The following AR variants were observed in gnomAD, a reference collection of about 807,000 sequenced individuals.
AR encodes the protein dihydrotestosterone receptor.
AR carries 8 observed loss-of-function variants against 53.9 expected under a neutral mutation model. The observed-to-expected ratio is 0.15, with a 90% confidence interval of 0.09 to 0.27. The LOEUF (loss-of-function observed/expected upper bound fraction) is 0.27. AR is among the 10% of genes least tolerant of loss of function. The pLI is 1.00. For synonymous variants in AR, 359 were observed against 316.4 expected, an observed-to-expected ratio of 1.13 and a Z score of -1.43; for missense variants, 639 against 742.5, an observed-to-expected ratio of 0.86 and a Z score of 1.62.
rs187632813 is a variant in AR, at chrX:67,550,461, G to A, written c.1616+3699G>A. 2.4e-4 allele frequency among the ~76,000 whole-genome samples: 26 copies of A among 110,269 alleles called. 1 individual carries two copies. In the East Asian group the frequency reaches 3.7e-3, roughly 16 times the overall value. On this transcript the variant is annotated intron_variant, in intron 1 of 7. Coordinates refer to ENST00000374690, the MANE Select transcript of AR (RefSeq NM_000044.6). The stretch of plus-strand genomic sequence containing the variant: ...CGTATATGCACTGCGGCTTGTACAC[G>A]TACAAGCTACTTGGTGGGATTATGT...
At chrX:67,625,059 A>G (rs1157621688) in intron 1 of AR, among the ~76,000 whole-genome samples, 1 of 110,535 alleles carries the variant, frequency 9.0e-6, no homozygotes, top group Non-Finnish European at 1.9e-5. Flanking sequence ...CGAGTAAACG[A>G]GTTCAGCAAG....
chrX:67,580,711 CT>C (rs1219294831), intron 1 of AR, among the ~76,000 whole-genome samples: 3 of 111,383 alleles, frequency 2.7e-5, no homozygotes, highest in Non-Finnish European at 5.7e-5. Flanking sequence ...TTTCCCATTA[CT>C]TGCTGTCATA....
At chrX:67,721,745 T>A (rs752148000) in intron 5 of AR, 88 bp from the exon 6 acceptor site, 2 of 1,146,290 alleles carry the variant, frequency 1.7e-6, no homozygotes, top group South Asian at 1.8e-5. Flanking sequence ...TTGGAAAACC[T>A]GGCGAGGGAT....
intron 1 of AR, among the ~76,000 whole-genome samples, chrX:67,566,134 AT>A (rs1304113412): frequency 8.9e-6 from 1 of 111,910 alleles, no homozygotes; most frequent in African/African-American, 3.3e-5. Flanking sequence ...ACTTGTGAAA[AT>A]TTTTTTTCAT....
At chrX:67,588,113 C>A (rs1489767260) in intron 1 of AR, among the ~76,000 whole-genome samples, 2 of 111,721 alleles carry the variant, frequency 1.8e-5, no homozygotes, top group Non-Finnish European at 1.9e-5. Flanking sequence ...TACTCAATAT[C>A]TTGGCCAGCA....
intron 2 of AR, among the ~76,000 whole-genome samples, chrX:67,661,390 C>T: frequency 9.0e-6 from 1 of 111,226 alleles, no homozygotes; most frequent in Non-Finnish European, 1.9e-5. Flanking sequence ...TACGTCCCAT[C>T]AATAACTAAT....
intron 1 of AR, among the ~76,000 whole-genome samples, chrX:67,595,169 G>T (rs1005072757): frequency 9.0e-5 from 10 of 111,164 alleles, no homozygotes; most frequent in Non-Finnish European, 1.3e-4. Flanking sequence ...GAGCACGAAG[G>T]TTACTTGAAG....
chrX:67,642,955 G>T (rs980627012), intron 1 of AR, among the ~76,000 whole-genome samples: 4 of 111,587 alleles, frequency 3.6e-5, no homozygotes, highest in African/African-American at 6.5e-5. Flanking sequence ...ACCACCTTCA[G>T]TTAGATATCT....
At chrX:67,659,567 G>A (rs1204712099) in intron 2 of AR, among the ~76,000 whole-genome samples, 35 of 111,440 alleles carry the variant, frequency 3.1e-4, no homozygotes, top group Admixed American at 1.7e-3. Flanking sequence ...TTATGGCTGC[G>A]TAGTATTCCA....
chrX:67,721,671 C>T (rs1341923492), intron 5 of AR, among the ~76,000 whole-genome samples, 162 bp from the exon 6 acceptor site: 1 of 111,647 alleles, frequency 9.0e-6, no homozygotes, highest in African/African-American at 3.3e-5. Context: ...AACAAACAGA[C>T]AAACAAACAA....
At chrX:67,627,725 G>C (rs774398902) in intron 1 of AR, among the ~76,000 whole-genome samples, 172 of 111,731 alleles carry the variant, frequency 1.5e-3, no homozygotes, top group African/African-American at 5.5e-3. Context: ...CCTATGTCCT[G>C]AATGGTAATG....
In AR at chrX:67,659,460, A is replaced by T. The variant is rs192560753; in HGVS notation, c.1768+16053A>T. ...TCAATTCTCACCTGTGAGTGAGAAC[A>T]TGCGGTGTTTGGTTTTTTGTCCTTG... On this transcript the variant is annotated intron_variant, in intron 2 of 7. Transcript: ENST00000374690. 3.1e-4 allele frequency among the ~76,000 whole-genome samples: 34 copies of T among 110,885 alleles called. 1 individual carries two copies. Among genetic ancestry groups the T allele is most frequent in the Admixed American group, 3.8e-4 (4 of 10,391 alleles).
Position 67,546,752 on chromosome X carries a change from G to A in AR, c.1606G>A (p.Gly536Arg). Residue 536 changes from glycine to arginine, a missense_variant, in exon 1 of 8, where the codon GGG becomes AGG. Gly to Arg is a moderately radical substitution (Grantham distance 125). Coordinates refer to ENST00000374690, the MANE Select transcript of AR (RefSeq NM_000044.6). ...GATGGATAGCTACTCCGGACCTTAC[G>A]GGGACATGCGGTAAGTTTTTCCTTC... ...PWMDSYSGPY[G>R]DMRLETARDH... is the part of the protein sequence containing the mutation. 3.3e-6 allele frequency: 4 copies of A among 1,204,642 alleles called. No individual in the cohort carries two copies. The highest frequency in any genetic ancestry group is 4.5e-6 in the Non-Finnish European group (4 of 891,802).
chrX:67,629,257 C>T (rs1403465362), intron 1 of AR, among the ~76,000 whole-genome samples: 4 of 107,584 alleles, frequency 3.7e-5, no homozygotes, highest in Non-Finnish European at 5.8e-5. Context: ...GCTGTGAATC[C>T]ATCTGGTCCT....
intron 2 of AR, among the ~76,000 whole-genome samples, chrX:67,673,144 T>C (rs2075876658): frequency 9.1e-6 from 1 of 109,935 alleles, no homozygotes; most frequent in African/African-American, 3.3e-5. Context: ...ATATATGAGT[T>C]CCATTCTATG....
intron 1 of AR, among the ~76,000 whole-genome samples, chrX:67,637,909 G>A (rs1925531925): frequency 9.0e-6 from 1 of 110,600 alleles, no homozygotes; most frequent in African/African-American, 3.3e-5. Context: ...ACATGCCAGG[G>A]TGTTTGGCTG....
At chrX:67,548,925 AG>A (rs1272638313) in intron 1 of AR, among the ~76,000 whole-genome samples, 1 of 111,308 alleles carries the variant, frequency 9.0e-6, no homozygotes, top group Non-Finnish European at 1.9e-5. Flanking sequence ...ACTGAATATG[AG>A]GAGTCTAGTT....
chrX:67,641,288 T>G (rs766953477), intron 1 of AR, among the ~76,000 whole-genome samples: 53 of 111,856 alleles, frequency 4.7e-4, no homozygotes, highest in Non-Finnish European at 8.3e-4. Context: ...CCTGGTAGGT[T>G]GTTGGGAAAA....
intron 1 of AR, among the ~76,000 whole-genome samples, chrX:67,552,429 A>G (rs1930031255): frequency 8.9e-6 from 1 of 112,483 alleles, no homozygotes; most frequent in Admixed American, 9.4e-5. Context: ...TCAGGTGATG[A>G]GCATTACGGT....
Sources: gnomAD v4.1 joint callset for allele counts (sites outside exome capture counted in the v4.1 genomes callset) on GRCh38, gnomAD v4.1.1 for gene constraint, MANE v1.5 for transcripts, NCBI Gene and HGNC (gene_info 2026-07-23, HGNC 2026-07-21) for gene names.